NKAIN2: variants seen among roughly 807,000 people sequenced by gnomAD.
The protein encoded by NKAIN2 is sodium/potassium-transporting ATPase subunit beta-1-interacting protein 2.
A neutral mutation model predicts 32.6 loss-of-function variants in NKAIN2; 14 were observed. The ratio of observed to expected loss-of-function variants is 0.43; its 90% CI spans 0.28 to 0.67. The LOEUF (loss-of-function observed/expected upper bound fraction) is 0.67. Among genes scored for constraint, NKAIN2 ranks in the 30% least tolerant of loss-of-function variants. The pLI is 0.17. For synonymous variants in NKAIN2, 80 were observed against 87.2 expected, an observed-to-expected ratio of 0.92 and a Z score of 0.46; for missense variants, 198 against 258.3, an observed-to-expected ratio of 0.77 and a Z score of 1.60.
At chr6:123,927,418 C>A (rs1359470991) in intron 1 of NKAIN2, among the ~76,000 whole-genome samples, 3 of 152,108 alleles carry the variant, frequency 2.0e-5, no homozygotes, top group Admixed American at 2.0e-4. Context: ...CCAAGAATAG[C>A]AAATATCTTT....
intron 3 of NKAIN2, among the ~76,000 whole-genome samples, chr6:124,359,984 G>T (rs12204681): frequency 0.18 from 27,447 of 151,998 alleles, 2,899 homozygotes; most frequent in Admixed American, 0.28. Flanking sequence ...TAGCATGAAG[G>T]GTTGTTGAAT....
chr6:123,969,102 ACC>A (rs1778218971), intron 1 of NKAIN2, among the ~76,000 whole-genome samples: 1 of 152,052 alleles, frequency 6.6e-6, no homozygotes, highest in African/African-American at 2.4e-5. Flanking sequence ...AATAATTTTA[ACC>A]CAATCTCAGT....
At chr6:123,920,512 C>T (rs1308191682) in intron 1 of NKAIN2, among the ~76,000 whole-genome samples, 2 of 152,012 alleles carry the variant, frequency 1.3e-5, no homozygotes, top group Non-Finnish European at 2.9e-5. Context: ...TCCATATTTT[C>T]CATGTGAGAA....
At chr6:124,486,417 C>T (rs918323215) in intron 3 of NKAIN2, among the ~76,000 whole-genome samples, 1 of 152,132 alleles carries the variant, frequency 6.6e-6, no homozygotes, top group African/African-American at 2.4e-5. Flanking sequence ...GTTTCTGGCA[C>T]TGCTTGTTTT....
chr6:124,763,235 A>G (rs1257385494), intron 4 of NKAIN2, among the ~76,000 whole-genome samples: 1 of 152,240 alleles, frequency 6.6e-6, no homozygotes, highest in Admixed American at 6.5e-5. Flanking sequence ...CATGGTGACT[A>G]TATGTATAAT....
intron 5 of NKAIN2, among the ~76,000 whole-genome samples, chr6:124,796,575 C>T (rs1780008060): frequency 6.6e-6 from 1 of 152,056 alleles, no homozygotes; most frequent in Non-Finnish European, 1.5e-5. Flanking sequence ...GGCTGTATTG[C>T]TGCCAGGCCA....
chr6:124,172,368 T>G (rs371349016), intron 1 of NKAIN2, among the ~76,000 whole-genome samples: 5 of 152,292 alleles, frequency 3.3e-5, no homozygotes, highest in African/African-American at 7.2e-5. Flanking sequence ...TTGCAATATA[T>G]TCCATGAATT....
chr6:124,061,953 A>G (rs1582560261), intron 1 of NKAIN2, among the ~76,000 whole-genome samples: 1 of 152,290 alleles, frequency 6.6e-6, no homozygotes, highest in East Asian at 1.9e-4. Context: ...GAAAATAACA[A>G]AGAAAAAGAA....
intron 1 of NKAIN2, among the ~76,000 whole-genome samples, chr6:124,065,921 G>A (rs549670788): frequency 1.2e-4 from 18 of 152,142 alleles, no homozygotes; most frequent in Non-Finnish European, 1.9e-4. Context: ...ATATACACAC[G>A]TAGCTATAGA....
intron 1 of NKAIN2, among the ~76,000 whole-genome samples, chr6:123,871,775 T>C (rs1032661706): frequency 6.6e-6 from 1 of 152,230 alleles, no homozygotes; most frequent in Non-Finnish European, 1.5e-5. Flanking sequence ...GCTGCCATTC[T>C]TATGTTTAAA....
intron 1 of NKAIN2, among the ~76,000 whole-genome samples, chr6:123,951,503 A>G (rs1777323512): frequency 6.6e-6 from 1 of 152,032 alleles, no homozygotes; most frequent in Non-Finnish European, 1.5e-5. Flanking sequence ...CTTTATCACT[A>G]TATAATGACC....
At chr6:123,922,909 A>G (rs1047306802) in intron 1 of NKAIN2, among the ~76,000 whole-genome samples, 2 of 152,228 alleles carry the variant, frequency 1.3e-5, no homozygotes, top group African/African-American at 2.4e-5. Flanking sequence ...CACGCAGGTT[A>G]CTGTGAATTT....
intron 2 of NKAIN2, among the ~76,000 whole-genome samples, chr6:124,305,438 G>C (rs1419203438): frequency 6.6e-6 from 1 of 152,146 alleles, no homozygotes; most frequent in African/African-American, 2.4e-5. Flanking sequence ...TGTTTGAAAA[G>C]GATATATGTT....
At chr6:124,284,010 C>A (rs1471415210) in intron 2 of NKAIN2, among the ~76,000 whole-genome samples, 2 of 151,594 alleles carry the variant, frequency 1.3e-5, no homozygotes, top group African/African-American at 4.9e-5. Context: ...ATTAAAGATG[C>A]CCCCCCATGA....
At chr6:124,197,775 A>G (rs925789120) in intron 1 of NKAIN2, among the ~76,000 whole-genome samples, 1 of 150,936 alleles carries the variant, frequency 6.6e-6, no homozygotes, top group Non-Finnish European at 1.5e-5. Context: ...CTACCCTTTA[A>G]TACCACTGAT....
At chr6:124,187,174 C>G (rs1789787488) in intron 1 of NKAIN2, among the ~76,000 whole-genome samples, 1 of 151,832 alleles carries the variant, frequency 6.6e-6, no homozygotes, top group African/African-American at 2.4e-5. Context: ...TTAATGTAGC[C>G]CTAGCTTTAC....
intron 1 of NKAIN2, among the ~76,000 whole-genome samples, chr6:123,907,252 AG>A (rs1349671997): frequency 6.6e-6 from 1 of 152,212 alleles, no homozygotes; most frequent in East Asian, 1.9e-4. Flanking sequence ...TGTCAAATGC[AG>A]TGAACCAAGT....
intron 1 of NKAIN2, among the ~76,000 whole-genome samples, chr6:123,996,392 C>G (rs1192267375): frequency 6.6e-6 from 1 of 151,798 alleles, no homozygotes; most frequent in Non-Finnish European, 1.5e-5. Context: ...GATTGTACTC[C>G]CAAATAACTA....
intron 1 of NKAIN2, among the ~76,000 whole-genome samples, chr6:124,251,210 A>C (rs1793678690): frequency 6.6e-6 from 1 of 152,064 alleles, no homozygotes; most frequent in Admixed American, 6.6e-5. Flanking sequence ...AGTTAAAAGA[A>C]AAAGATTTTT....
Sources: gnomAD v4.1 joint callset for allele counts (sites outside exome capture counted in the v4.1 genomes callset) on GRCh38, gnomAD v4.1.1 for gene constraint, MANE v1.5 for transcripts, NCBI Gene and HGNC (gene_info 2026-07-23, HGNC 2026-07-21) for gene names.